Variants in CIT observed in about 807,000 individuals in gnomAD.
CIT encodes the protein citron rho-interacting serine/threonine kinase.
In CIT, 79 loss-of-function variants were observed where a neutral mutation model predicts 272.7. The observed-to-expected ratio is 0.29, with a 90% CI of 0.24 to 0.35. The LOEUF (loss-of-function observed/expected upper bound fraction) is 0.35, where lower values mean the gene tolerates loss of function less well. Among genes scored for constraint, CIT ranks in the 10% least tolerant of loss-of-function variants. CIT has a pLI of 1.00. For synonymous variants in CIT, 948 were observed against 995.6 expected (o/e 0.95, Z 0.90); for missense variants, 1,909 against 2,618.3 (o/e 0.73, Z 5.91).
chr12:119,695,340 G>T (rs907818140), intron 46 of CIT, among the ~76,000 whole-genome samples: 1 of 152,118 alleles, frequency 6.6e-6, no homozygotes, highest in Non-Finnish European at 1.5e-5. Context: ...GAAAACTGTT[G>T]CTATCTGACC....
intron 10 of CIT, among the ~76,000 whole-genome samples, chr12:119,787,813 C>T (rs1013460388): frequency 1.3e-5 from 2 of 151,464 alleles, no homozygotes; most frequent in African/African-American, 2.4e-5. Context: ...TTGACATCTC[C>T]GAACCTCAGT....
intron 5 of CIT, among the ~76,000 whole-genome samples, chr12:119,847,750 G>C (rs1969917342): frequency 6.6e-6 from 1 of 151,974 alleles, no homozygotes; most frequent in African/African-American, 2.4e-5. Flanking sequence ...AATTAGCAGG[G>C]CGTGGTGTCA....
At chr12:119,729,377 T>C (rs1958304350) in intron 27 of CIT, among the ~76,000 whole-genome samples, 1 of 152,164 alleles carries the variant, frequency 6.6e-6, no homozygotes, top group Non-Finnish European at 1.5e-5. Context: ...TGGATGTCCA[T>C]AAAGATTCAT....
chr12:119,699,524 C>T (rs374417157), intron 44 of CIT, among the ~76,000 whole-genome samples: 11 of 152,234 alleles, frequency 7.2e-5, no homozygotes, highest in Admixed American at 7.2e-4. Context: ...TGGGCTGACT[C>T]TGCGGTCTGC....
At chr12:119,806,356 G>A (rs1966606567) in intron 9 of CIT, among the ~76,000 whole-genome samples, 1 of 152,094 alleles carries the variant, frequency 6.6e-6, no homozygotes, top group African/African-American at 2.4e-5. Flanking sequence ...AGAAGTGGGG[G>A]AACTGGAAAT....
intron 18 of CIT, among the ~76,000 whole-genome samples, chr12:119,769,241 G>T (rs776686491): frequency 1.3e-5 from 2 of 152,094 alleles, no homozygotes; most frequent in Admixed American, 6.5e-5. Flanking sequence ...CAAGAATGCA[G>T]AACTCTCTAC....
At chr12:119,862,349 A>C (rs1950365668) in intron 3 of CIT, among the ~76,000 whole-genome samples, 1 of 152,122 alleles carries the variant, frequency 6.6e-6, no homozygotes, top group Non-Finnish European at 1.5e-5. Flanking sequence ...GCACACACAC[A>C]CACAAACAAA....
In CIT at chr12:119,769,581, G is replaced by A. The variant is rs371472110; in HGVS notation, c.2208+1204C>T. Among the ~76,000 whole-genome samples the A allele has an allele frequency of 2.0e-4, 30 of 152,210 alleles. No individual in the cohort carries two copies. The East Asian group carries it at 5.0e-3, about 25-fold the overall frequency. On this transcript the variant is annotated intron_variant, in intron 18 of 47. Coordinates refer to ENST00000392521, the MANE Select transcript of CIT (RefSeq NM_001206999.2). Reference sequence around the variant, plus strand: ...ACCAAGCAAGGGACAGCAGCGGTGGGATCTCAGTGGGATCTAATTTTATAC... The same window carrying A: ...ACCAAGCAAGGGACAGCAGCGGTGGAATCTCAGTGGGATCTAATTTTATAC...
intron 24 of CIT, among the ~76,000 whole-genome samples, chr12:119,737,775 C>T (rs1385490305): frequency 1.1e-4 from 16 of 152,118 alleles, no homozygotes; most frequent in Admixed American, 1.3e-4. Context: ...TGTAAAGTAC[C>T]CATGCCGAGA....
chr12:119,785,262 A>G (rs1964680744), intron 10 of CIT, among the ~76,000 whole-genome samples, 197 bp from the exon 11 acceptor site: 1 of 152,196 alleles, frequency 6.6e-6, no homozygotes, highest in Admixed American at 6.5e-5. Flanking sequence ...CACACATGGC[A>G]AAAGGGACTT....
chr12:119,759,229 G>A (rs971732396), intron 20 of CIT, among the ~76,000 whole-genome samples: 1 of 152,228 alleles, frequency 6.6e-6, no homozygotes, highest in South Asian at 2.1e-4. Context: ...AGCGGCCAGC[G>A]AGCGAGCATT....
At chr12:119,731,550 A>G (rs1340309722) in intron 26 of CIT, among the ~76,000 whole-genome samples, 1 of 151,604 alleles carries the variant, frequency 6.6e-6, no homozygotes, top group Non-Finnish European at 1.5e-5. Flanking sequence ...ATGCTAAAGA[A>G]TAGAAAAACC....
chr12:119,793,395 T>C (rs1220362949), intron 10 of CIT, among the ~76,000 whole-genome samples: 2 of 152,142 alleles, frequency 1.3e-5, no homozygotes, highest in Non-Finnish European at 2.9e-5. Flanking sequence ...TAACCACACT[T>C]ACCTCCCTGG....
chr12:119,794,749 G>A (rs1056775332), intron 10 of CIT, among the ~76,000 whole-genome samples: 1 of 152,240 alleles, frequency 6.6e-6, no homozygotes. Context: ...GTCTTTATAA[G>A]GCGGAAGCAG....
At chr12:119,856,998 G>C (rs1950191490) in intron 4 of CIT, among the ~76,000 whole-genome samples, 1 of 152,180 alleles carries the variant, frequency 6.6e-6, no homozygotes, top group South Asian at 2.1e-4. Flanking sequence ...AATATGTCTA[G>C]AGACAGTAGC....
chr12:119,710,883 T>C lies in CIT; in HGVS notation c.4855-263A>G, dbSNP rs1957127140. Reference sequence around the variant, plus strand: ...GGGATGCAGAAATAAGGGAGGGTAGTAGACATGGAAAGCTATTCTGTAATA... The same window carrying C: ...GGGATGCAGAAATAAGGGAGGGTAGCAGACATGGAAAGCTATTCTGTAATA... On this transcript the variant is annotated intron_variant, in intron 37 of 47. Coordinates refer to ENST00000392521, the MANE Select transcript of CIT (RefSeq NM_001206999.2). The surrounding 1 kb of genome is among the most constrained non-coding windows in gnomAD (Gnocchi z 5.6). 1.6e-6 allele frequency: 1 copy of C among 623,618 alleles called. No homozygotes were observed. The highest frequency in any genetic ancestry group is 2.9e-5 in the Admixed American group (1 of 34,382). 38.6% of individuals were successfully genotyped at this position (623,618 alleles called of 1,614,324 possible).
At chr12:119,814,116 A>G (rs1206667032) in intron 9 of CIT, among the ~76,000 whole-genome samples, 1 of 152,120 alleles carries the variant, frequency 6.6e-6, no homozygotes, top group Non-Finnish European at 1.5e-5. Flanking sequence ...ATTCATTGTT[A>G]TATTTTTAAT....
At chr12:119,767,033 G>A in intron 19 of CIT, 54 bp downstream of exon 19, 1 of 1,330,872 alleles carries the variant, frequency 7.5e-7, no homozygotes, top group Non-Finnish European at 1.0e-6. Flanking sequence ...GAAGAGATGG[G>A]AGCTACATGG....
At chr12:119,841,498 T>C (rs1233575458) in intron 5 of CIT, among the ~76,000 whole-genome samples, 1 of 152,132 alleles carries the variant, frequency 6.6e-6, no homozygotes. Context: ...TTAGCCTCTG[T>C]GACAGACTAT....
Sources: allele counts gnomAD v4.1 joint callset (sites outside exome capture counted in the v4.1 genomes callset), GRCh38; gene constraint gnomAD v4.1.1; non-coding constraint Gnocchi (gnomAD v3.1); transcripts MANE v1.5; gene names NCBI Gene and HGNC (gene_info 2026-07-23, HGNC 2026-07-21).